The following PYGB variants were observed in gnomAD, a reference collection of about 807,000 sequenced individuals.
The protein encoded by PYGB is glycogen phosphorylase, brain form.
A neutral mutation model predicts 94.3 loss-of-function variants in PYGB; 82 were observed. That is an observed-to-expected ratio of 0.87 (90% CI 0.73 to 1.04). The LOEUF (loss-of-function observed/expected upper bound fraction) is 1.04. PYGB is among the 50% of genes least tolerant of loss of function. PYGB has a pLI of 0.00. For synonymous variants in PYGB, 488 were observed against 479.1 expected, an observed-to-expected ratio of 1.02 and a Z score of -0.24; for missense variants, 1,132 against 1,158.2, an observed-to-expected ratio of 0.98 and a Z score of 0.33.
intron 1 of PYGB, among the ~76,000 whole-genome samples, chr20:25,256,242 C>CA (rs1407680325): frequency 6.6e-6 from 1 of 152,176 alleles, no homozygotes; most frequent in Admixed American, 6.5e-5. Flanking sequence ...ACTCTCTTTT[C>CA]AGAGTCTGTT....
intron 5 of PYGB, 56 bp from the exon 6 acceptor site, chr20:25,276,590 C>T: frequency 6.7e-7 from 1 of 1,483,516 alleles, no homozygotes. Flanking sequence ...GGGAGAGGCA[C>T]AGGGGCCGGC....
intron 2 of PYGB, among the ~76,000 whole-genome samples, chr20:25,261,889 G>C (rs1315753748): frequency 6.6e-6 from 1 of 152,214 alleles, no homozygotes; most frequent in Admixed American, 6.5e-5. Context: ...AGTGATTGAA[G>C]ATCAAATGAA....
intron 7 of PYGB, 34 bp from the exon 8 acceptor site, chr20:25,278,285 G>GGGACTGGGT (rs763262920): frequency 2.5e-6 from 4 of 1,606,962 alleles, no homozygotes; most frequent in Admixed American, 1.7e-5. Context: ...GAATGGCCCA[G>GGGACTGGGT]CCTGCACCCT....
At chr20:25,263,850 G>T (rs933204304) in intron 2 of PYGB, among the ~76,000 whole-genome samples, 2 of 152,142 alleles carry the variant, frequency 1.3e-5, no homozygotes, top group African/African-American at 4.8e-5. Flanking sequence ...TCTACCAGAG[G>T]TACAAGGAGG....
At position 25,267,964 on chromosome 20, in the gene PYGB, A is replaced by C. The variant is rs369379308; in HGVS notation, c.346-1165A>C. ...CTTTGATTATGTTGACTCGTAGCCTATCTTTAGAAAAATATGTAGAGATTT... is the reference window on the plus strand; with the variant it reads ...CTTTGATTATGTTGACTCGTAGCCTCTCTTTAGAAAAATATGTAGAGATTT... On this transcript the variant is annotated intron_variant, in intron 2 of 19. Coordinates refer to ENST00000216962, the MANE Select transcript of PYGB (RefSeq NM_002862.4). 1.1e-3 allele frequency among the ~76,000 whole-genome samples: 160 copies of C among 152,348 alleles called. 1 individual carries two copies. The highest frequency in any genetic ancestry group is 3.7e-3 in the African/African-American group (153 of 41,584).
intron 11 of PYGB, 50 bp from the exon 12 acceptor site, chr20:25,281,983 T>C (rs2123576098): frequency 6.7e-7 from 1 of 1,482,774 alleles, no homozygotes; most frequent in Admixed American, 1.7e-5. Flanking sequence ...GTTGCTCACC[T>C]GGTGCAGGGC....
chr20:25,276,172 G>C (rs995892800), intron 5 of PYGB, among the ~76,000 whole-genome samples: 1 of 152,160 alleles, frequency 6.6e-6, no homozygotes, highest in East Asian at 1.9e-4. Flanking sequence ...TAGCAGGCAA[G>C]GCAGCTGCAG....
rs2088511743 is a variant in PYGB at position 25,294,653 on chromosome 20, G to A, written c.2312+361G>A. Reference sequence around the variant, plus strand: ...CATGGGCCCAAAACTCCCTGGGGTGGGGTAGGGGGCGCACAAGGGCTGCGG... The same window carrying A: ...CATGGGCCCAAAACTCCCTGGGGTGAGGTAGGGGGCGCACAAGGGCTGCGG... On this transcript the variant is annotated intron_variant, in intron 18 of 19. Coordinates refer to ENST00000216962, the MANE Select transcript of PYGB (RefSeq NM_002862.4). The A allele has an allele frequency of 8.9e-6, 5 of 562,508 alleles. No individual in the cohort carries two copies. In the Admixed American group the frequency reaches 1.5e-4, roughly 16 times the overall value. 34.8% of individuals were successfully genotyped at this position (562,508 alleles called of 1,614,324 possible).
chr20:25,254,562 A>T (rs1194459241), intron 1 of PYGB, among the ~76,000 whole-genome samples: 1 of 152,236 alleles, frequency 6.6e-6, no homozygotes, highest in Non-Finnish European at 1.5e-5. Flanking sequence ...AGTGTCTTCA[A>T]CAGTACCTTG....
At chr20:25,264,191 A>G (rs186515826) in intron 2 of PYGB, among the ~76,000 whole-genome samples, 230 of 152,368 alleles carry the variant, frequency 1.5e-3, no homozygotes, top group Non-Finnish European at 2.2e-3. Flanking sequence ...GATTATCTCA[A>G]TTGATGCAGA....
chr20:25,276,700 G>A lies in PYGB; in HGVS notation c.715G>A (p.Val239Ile), dbSNP rs532747607. The A allele has an allele frequency of 2.3e-5, 37 of 1,613,880 alleles. No individual in the cohort carries two copies. Among genetic ancestry groups the A allele is most frequent in the Middle Eastern group, 1.6e-4 (1 of 6,080 alleles). Residue 239 changes from valine (V) to isoleucine (I), a missense_variant, in exon 6 of 20, where the codon GTC (valine) becomes ATC (isoleucine). By Grantham distance (29) the Val-to-Ile change is conservative. Transcript: ENST00000216962. ...AGTGCCCGGCTACAAGAACAACACC[G>A]TCAACACCATGCGGCTGTGGTCCGC... ...TPVPGYKNNT[V>I]NTMRLWSAKA...
chr20:25,270,187 G>GT (rs1555806349), intron 3 of PYGB, among the ~76,000 whole-genome samples: 90 of 130,072 alleles, frequency 6.9e-4, no homozygotes, highest in Non-Finnish European at 8.4e-4. Flanking sequence ...TAATCCTGAA[G>GT]TTTTTTTTGT....
intron 17 of PYGB, 113 bp downstream of exon 17, chr20:25,292,726 G>A (rs2281562): frequency 0.26 from 346,314 of 1,328,096 alleles, 48,641 homozygotes; most frequent in East Asian, 0.58. Flanking sequence ...GTGTGCTAGG[G>A]TCAGTGCCCA....
chr20:25,292,380 TC>T, intron 16 of PYGB, 25 bp from the exon 17 acceptor site: 1 of 1,608,364 alleles, frequency 6.2e-7, no homozygotes. Flanking sequence ...CTCACAGTGA[TC>T]CCCTCCACGG....
intron 18 of PYGB, chr20:25,294,962 G>C: frequency 5.0e-6 from 8 of 1,614,100 alleles, no homozygotes; most frequent in Non-Finnish European, 5.9e-6. Flanking sequence ...CGTGTCACCT[G>C]TTGGCTTCAG....
Position 25,274,616 on chromosome 20 carries a change from C to A in PYGB, c.553C>A (p.Arg185Ser). The A allele has an allele frequency of 6.2e-7, 1 of 1,613,560 alleles. No homozygotes were observed. The highest frequency in any genetic ancestry group is 8.5e-7 in the Non-Finnish European group (1 of 1,179,882). Reference sequence around the variant, plus strand: ...GGTAGAGGAGGCCGATGACTGGCTGCGCTACGGCAACCCCTGGGAGAAAGC... The same window carrying A: ...GGTAGAGGAGGCCGATGACTGGCTGAGCTACGGCAACCCCTGGGAGAAAGC... Reference protein sequence around the residue: ...WQVEEADDWLRYGNPWEKARP... With the variant: ...WQVEEADDWLSYGNPWEKARP... Residue 185 changes from arginine to serine, a missense_variant, in exon 5 of 20, where the codon CGC becomes AGC. By Grantham distance (110) the Arg-to-Ser change is moderately radical. Transcript: ENST00000216962.
chr20:25,258,406 GA>G (rs1401023169), intron 1 of PYGB, among the ~76,000 whole-genome samples: 1 of 152,332 alleles, frequency 6.6e-6, no homozygotes, highest in Admixed American at 6.5e-5. Flanking sequence ...AAGAATATCA[GA>G]AAGTGTTTGG....
chr20:25,291,387 G>GC (rs576130163), intron 16 of PYGB, among the ~76,000 whole-genome samples: 1,988 of 152,142 alleles, frequency 0.013, 45 homozygotes, highest in African/African-American at 0.045. Flanking sequence ...AGGGCCAAGG[G>GC]CCCCCCCTAG....
At position 25,297,089 on chromosome 20, in the gene PYGB, G is replaced by C. The variant is rs1214144928; in HGVS notation, c.*567G>C. 6.3e-6 allele frequency: 1 copy of C among 158,256 alleles called. No homozygotes were observed. Among genetic ancestry groups the C allele is most frequent in the Admixed American group, 6.0e-5 (1 of 16,780 alleles). 9.8% of individuals were successfully genotyped at this position (158,256 alleles called of 1,614,324 possible). A position where few individuals can be genotyped will look rare whatever the true frequency, so the allele number is the denominator to read the frequency against. On this transcript the variant is annotated 3_prime_UTR_variant, in exon 20 of 20. Transcript: ENST00000216962. ...CCCCCTGCCCCCTGCCCTCTGTCCT[G>C]GCTCTGCACCTGGTATATGGGTCAT...
Sources: gnomAD v4.1 joint callset for allele counts (sites outside exome capture counted in the v4.1 genomes callset) on GRCh38, gnomAD v4.1.1 for gene constraint, MANE v1.5 for transcripts, NCBI Gene and HGNC (gene_info 2026-07-23, HGNC 2026-07-21) for gene names.